Variants in TAF1L observed in about 807,000 individuals in gnomAD.
TAF1L encodes the protein transcription initiation factor TFIID subunit 1-like.
A neutral mutation model predicts 128.8 loss-of-function variants in TAF1L; 30 were observed. The observed-to-expected ratio is 0.23, with a 90% CI of 0.17 to 0.32. TAF1L has a LOEUF of 0.32. Among genes scored for constraint, TAF1L ranks in the 10% least tolerant of loss-of-function variants. The pLI, the probability that TAF1L is intolerant of heterozygous loss-of-function variation, is 1.00. For missense variants in TAF1L, 2,099 were observed against 2,253.7 expected (o/e 0.93, Z 1.39); for synonymous variants, 764 against 790.7 (o/e 0.97, Z 0.57).
rs540067909 is a variant in TAF1L, at chr9:32,634,664, T to C, written c.916A>G (p.Ser306Gly). ...TCATAGTTCCACAAAGACTTCTGGC[T>C]GACTTCTGATTCTACTGAGCATTCC... Reference protein sequence around the residue: ...EVECSVESEVSQKSLWNYDYA... With the variant: ...EVECSVESEVGQKSLWNYDYA... The change falls in exon 1 of 1, where the codon AGC becomes GGC. Residue 306 changes from serine to glycine, a missense_variant. By Grantham distance (56) the Ser-to-Gly change is moderately conservative. Coordinates refer to ENST00000242310, the MANE Select transcript of TAF1L (RefSeq NM_153809.2). 1.2e-6 allele frequency: 2 copies of C among 1,614,090 alleles called. No homozygotes were observed. Among genetic ancestry groups the C allele is most frequent in the African/African-American group, 1.3e-5 (1 of 75,020 alleles).
rs1394207412 is a variant in TAF1L at position 32,633,384 on chromosome 9, T to C, written c.2196A>G (p.Gly732=). 1 of 1,614,218 alleles carries C rather than the reference T, an allele frequency of 6.2e-7. No homozygotes were observed. The highest frequency in any genetic ancestry group is 8.5e-7 in the Non-Finnish European group (1 of 1,180,038). ...YYKRKPGKDP[G]APDCKYGETV... Reference sequence around the variant, plus strand: ...TTTCCCCATATTTACAATCTGGTGCTCCAGGATCTTTGCCAGGTTTCCGTT... The same window carrying C: ...TTTCCCCATATTTACAATCTGGTGCCCCAGGATCTTTGCCAGGTTTCCGTT... The change falls in exon 1 of 1, where the codon GGA becomes GGG. Residue 732 remains glycine, a synonymous_variant. Transcript: ENST00000242310.
Position 32,632,613 on chromosome 9 carries a change from A to G in TAF1L, c.2967T>C (p.Asn989=). Reference sequence around the variant, plus strand: ...TATCATCCTTCTGCTGTGTTGGTTTATTTGGAATCTTCACATAGGAGAATC... The same window carrying G: ...TATCATCCTTCTGCTGTGTTGGTTTGTTTGGAATCTTCACATAGGAGAATC... The part of the protein sequence containing the change: ...GEGFSYVKIP[N]KPTQQKDDKE... Residue 989 remains asparagine (N), a synonymous_variant, in exon 1 of 1, where the codon AAT becomes AAC. Transcript: ENST00000242310. The surrounding 1 kb of genome is among the most constrained non-coding windows in gnomAD (Gnocchi z 4.4). 1 of 1,614,086 alleles carries G rather than the reference A, an allele frequency of 6.2e-7. No homozygotes were observed. The highest frequency in any genetic ancestry group is 8.5e-7 in the Non-Finnish European group (1 of 1,180,006).
chr9:32,635,324 A>G lies in TAF1L; in HGVS notation c.256T>C (p.Leu86=). 1 of 1,614,028 alleles carries G rather than the reference A, an allele frequency of 6.2e-7. No homozygotes were observed. The highest frequency in any genetic ancestry group is 8.5e-7 in the Non-Finnish European group (1 of 1,179,980). The change falls in exon 1 of 1, where the codon TTG becomes CTG. Residue 86 remains leucine (L), a synonymous_variant. Coordinates refer to ENST00000242310, the MANE Select transcript of TAF1L (RefSeq NM_153809.2). ...LITELTANEE[L]TGTGGALVND... ...ACCAAGGCACCGCCAGTCCCAGTCAATTCTTCATTTGCCGTGAGTTCAGTG... is the reference window on the plus strand; with the variant it reads ...ACCAAGGCACCGCCAGTCCCAGTCAGTTCTTCATTTGCCGTGAGTTCAGTG...
chr9:32,635,402 C>T lies in TAF1L; in HGVS notation c.178G>A (p.Glu60Lys). 1 of 1,614,200 alleles carries T rather than the reference C, an allele frequency of 6.2e-7. No individual in the cohort carries two copies. Among genetic ancestry groups the T allele is most frequent in the South Asian group, 1.1e-5 (1 of 91,080 alleles). ...AAGCCTGCCAAGTGCTTCTTACACT[C>T]ATCATCCAAGACGCTTTCCCCCTCC... ...QLEGESVLDD[E>K]CKKHLAGLGA... Residue 60 changes from glutamate (E) to lysine (K), a missense_variant, in exon 1 of 1, where the codon GAG (glutamate) becomes AAG (lysine). By Grantham distance (56) the Glu-to-Lys change is moderately conservative (BLOSUM62 1). This residue lies in a region of TAF1L where 473 missense variants were observed against 429.6 expected (regional missense o/e 1.10). Coordinates refer to ENST00000242310, the MANE Select transcript of TAF1L (RefSeq NM_153809.2).
At position 32,631,809 on chromosome 9, in the gene TAF1L, C is replaced by T; in HGVS notation, c.3771G>A (p.Gln1257=). 1 of 1,614,152 alleles carries T rather than the reference C, an allele frequency of 6.2e-7. No homozygotes were observed. Among genetic ancestry groups the T allele is most frequent in the Non-Finnish European group, 8.5e-7 (1 of 1,180,038 alleles). Residue 1257 remains glutamine, a synonymous_variant, in exon 1 of 1, where the codon CAG becomes CAA. Coordinates refer to ENST00000242310, the MANE Select transcript of TAF1L (RefSeq NM_153809.2). This position sits in a 1 kb window ranked among gnomAD's most constrained non-coding sequence, Gnocchi z 4.1. ...QEQLRRLKRN[Q]EKEKLKGPPE... is the part of the protein sequence containing the mutation. Reference sequence around the variant, plus strand: ...GAGGACCCTTAAGCTTCTCCTTTTCCTGGTTCCGCTTAAGCCGCCTCAGTT... The same window carrying T: ...GAGGACCCTTAAGCTTCTCCTTTTCTTGGTTCCGCTTAAGCCGCCTCAGTT...
chr9:32,635,310 G>T lies in TAF1L; in HGVS notation c.270C>A (p.Gly90=), dbSNP rs114551428. The change falls in exon 1 of 1, where the codon GGC becomes GGA. Residue 90 remains glycine (G), a synonymous_variant. Transcript: ENST00000242310. The stretch of plus-strand genomic sequence containing the variant: ...ACCCTTCATCATTTACCAAGGCACC[G>T]CCAGTCCCAGTCAATTCTTCATTTG... ...LTANEELTGT[G]GALVNDEGWI... 1.9e-3 allele frequency: 3,025 copies of T among 1,614,022 alleles called. 36 individuals carry two copies. In the African/African-American group the frequency reaches 0.032, roughly 17 times the overall value.
rs192674056 is a variant in TAF1L at position 32,634,046 on chromosome 9, G to C, written c.1534C>G (p.Arg512Gly). Reference protein sequence around the residue: ...NIIWDAQAMPRLLEPPVLALD... With the variant: ...NIIWDAQAMPGLLEPPVLALD... ...GCCAAAACAGGAGGTTCCAACAGCC[G>C]GGGCATGGCCTGAGCATCCCAAATG... The change falls in exon 1 of 1, where the codon CGG becomes GGG. Residue 512 changes from arginine (R) to glycine (G), a missense_variant. This residue lies in a region of TAF1L where 1,213 missense variants were observed against 1,391.4 expected (regional missense o/e 0.87). Coordinates refer to ENST00000242310, the MANE Select transcript of TAF1L (RefSeq NM_153809.2). The C allele has an allele frequency of 3.1e-6, 5 of 1,614,146 alleles. No individual in the cohort carries two copies. The highest frequency in any genetic ancestry group is 4.2e-6 in the Non-Finnish European group (5 of 1,180,030).
At position 32,635,454 on chromosome 9, in the gene TAF1L, G is replaced by T; in HGVS notation, c.126C>A (p.Phe42Leu). The T allele has an allele frequency of 6.2e-7, 1 of 1,614,132 alleles. No homozygotes were observed. The highest frequency in any genetic ancestry group is 8.5e-7 in the Non-Finnish European group (1 of 1,180,016). ...GGPFTLAGIL[F>L]GNISGAGQLE... is the part of the protein sequence containing the mutation. Reference sequence around the variant, plus strand: ...GCTGCCCCGCTCCACTGATGTTGCCGAAAAGGATACCCGCTAAAGTAAATG... The same window carrying T: ...GCTGCCCCGCTCCACTGATGTTGCCTAAAAGGATACCCGCTAAAGTAAATG... Residue 42 changes from phenylalanine (F) to leucine (L), a missense_variant, in exon 1 of 1, where the codon TTC becomes TTA. Around this residue, in one of 4 missense-constraint regions of TAF1L, gnomAD observed 473 missense variants for 429.6 expected, o/e 1.10. Transcript: ENST00000242310.
chr9:32,635,275 C>G lies in TAF1L; in HGVS notation c.305G>C (p.Ser102Thr). The stretch of plus-strand genomic sequence containing the variant: ...TGAATAGTCTACAGCATCTTCTGTA[C>G]TCCTAATCCACCCTTCATCATTTAC... Reference protein sequence around the residue: ...ALVNDEGWIRSTEDAVDYSDI... With the variant: ...ALVNDEGWIRTTEDAVDYSDI... Residue 102 changes from serine (S) to threonine (T), a missense_variant, in exon 1 of 1, where the codon AGT becomes ACT. Ser to Thr is a moderately conservative substitution (Grantham distance 58, BLOSUM62 1). This residue lies in a region of TAF1L where 473 missense variants were observed against 429.6 expected (regional missense o/e 1.10). Transcript: ENST00000242310. The G allele has an allele frequency of 2.5e-6, 4 of 1,614,138 alleles. No individual in the cohort carries two copies.
Position 32,634,462 on chromosome 9 carries a change from C to T in TAF1L, c.1118G>A (p.Gly373Asp). The T allele has an allele frequency of 6.2e-7, 1 of 1,614,218 alleles. No individual in the cohort carries two copies. Residue 373 changes from glycine (G) to aspartate (D), a missense_variant, in exon 1 of 1, where the codon GGT (glycine) becomes GAT (aspartate). Gly to Asp is a moderately conservative substitution (Grantham distance 94, BLOSUM62 -1). Coordinates refer to ENST00000242310, the MANE Select transcript of TAF1L (RefSeq NM_153809.2). Reference protein sequence around the residue: ...GPARLWYDMLGVSEDGSGFDY... With the variant: ...GPARLWYDMLDVSEDGSGFDY... Reference sequence around the variant, plus strand: ...AAACCCACTGCCATCTTCGGAGACACCCAGCATATCATACCACAGTCGGGC... The same window carrying T: ...AAACCCACTGCCATCTTCGGAGACATCCAGCATATCATACCACAGTCGGGC...
Position 32,631,401 on chromosome 9 carries a change from G to A in TAF1L, c.4179C>T (p.Ile1393=). ...CCATAGGGTCTGTGCGGCGTCGGTG[G>A]ATGGACTTATGAGGTATATTCAAAT... ...CDYLNIPHKS[I]HRRRTDPMVT... The change falls in exon 1 of 1, where the codon ATC becomes ATT. Residue 1393 remains isoleucine, a synonymous_variant. Coordinates refer to ENST00000242310, the MANE Select transcript of TAF1L (RefSeq NM_153809.2). The surrounding 1 kb of genome is among the most constrained non-coding windows in gnomAD (Gnocchi z 4.1). The A allele has an allele frequency of 4.3e-6, 7 of 1,614,186 alleles. No homozygotes were observed. The highest frequency in any genetic ancestry group is 5.1e-6 in the Non-Finnish European group (6 of 1,180,036).
rs1223092827 is a variant in TAF1L at position 32,631,361 on chromosome 9, T to C, written c.4219A>G (p.Ile1407Val). 6.2e-7 allele frequency: 1 copy of C among 1,614,096 alleles called. No homozygotes were observed. Among genetic ancestry groups the C allele is most frequent in the Non-Finnish European group, 8.5e-7 (1 of 1,180,042 alleles). The change falls in exon 1 of 1, where the codon ATC becomes GTC. Residue 1407 changes from isoleucine (I) to valine (V), a missense_variant. By Grantham distance (29) the Ile-to-Val change is conservative (BLOSUM62 3). Transcript: ENST00000242310. This position sits in a 1 kb window ranked among gnomAD's most constrained non-coding sequence, Gnocchi z 4.1. ...ATGTCATTGATGATAGACTCCAGGA[T>C]GGATGACAGCGTCACCATAGGGTCT... The part of the protein sequence containing the change: ...RTDPMVTLSS[I>V]LESIINDMRD...
At position 32,635,132 on chromosome 9, in the gene TAF1L, T is replaced by C. The variant is rs767959314; in HGVS notation, c.448A>G (p.Ile150Val). The C allele has an allele frequency of 1.4e-5, 22 of 1,614,068 alleles. No homozygotes were observed. Among genetic ancestry groups the C allele is most frequent in the Non-Finnish European group, 1.7e-5 (20 of 1,180,036 alleles). ...GGAGGAGGCATCAACTTGCAATCAA[T>C]GTCTTCACAATCAGCATCATAGTCA... is the stretch of plus-strand genomic sequence containing the variant. Reference protein sequence around the residue: ...EDDYDADCEDIDCKLMPPPPP... With the variant: ...EDDYDADCEDVDCKLMPPPPP... Residue 150 changes from isoleucine to valine, a missense_variant, in exon 1 of 1, where the codon ATT (isoleucine) becomes GTT (valine). Around this residue, in one of 4 missense-constraint regions of TAF1L, gnomAD observed 473 missense variants for 429.6 expected, o/e 1.10. Transcript: ENST00000242310.
In TAF1L at chr9:32,630,261, C is replaced by G. The variant is rs747586254; in HGVS notation, c.5319G>C (p.Glu1773Asp). Residue 1773 changes from glutamate (E) to aspartate (D), a missense_variant, in exon 1 of 1, where the codon GAG becomes GAC. Glu to Asp is a conservative substitution (Grantham distance 45). Around this residue, in one of 4 missense-constraint regions of TAF1L, gnomAD observed 404 missense variants for 406.5 expected, o/e 0.99. Coordinates refer to ENST00000242310, the MANE Select transcript of TAF1L (RefSeq NM_153809.2). The stretch of plus-strand genomic sequence containing the variant: ...CTTCTTCGTCACTCCCAGCATCTTC[C>G]TCATCATCTTCTCCTTCAGATATAA... The part of the protein sequence containing the change: ...DLLISEGEDD[E>D]EDAGSDEEGD... The G allele has an allele frequency of 1.9e-6, 3 of 1,614,128 alleles. No homozygotes were observed. The highest frequency in any genetic ancestry group is 1.7e-6 in the Non-Finnish European group (2 of 1,180,020).
At position 32,633,712 on chromosome 9, in the gene TAF1L, G is replaced by A; in HGVS notation, c.1868C>T (p.Pro623Leu). ...GATTTTGATGGGCCCCATGTGGGTG[G>A]GAAAGAAGGGCTGCCATAATTCCAT... ...PAMELWQPFF[P>L]THMGPIKIRQ... Residue 623 changes from proline (P) to leucine (L), a missense_variant, in exon 1 of 1, where the codon CCC (proline) becomes CTC (leucine). Physicochemically the swap from Pro to Leu is moderately conservative, Grantham distance 98. Transcript: ENST00000242310. 1 of 1,614,172 alleles carries A rather than the reference G, an allele frequency of 6.2e-7. No individual in the cohort carries two copies. Among genetic ancestry groups the A allele is most frequent in the Non-Finnish European group, 8.5e-7 (1 of 1,180,036 alleles).
chr9:32,630,385 G>T lies in TAF1L; in HGVS notation c.5195C>A (p.Pro1732His), dbSNP rs769027184. 179 of 1,614,074 alleles carry T rather than the reference G, an allele frequency of 1.1e-4. No individual in the cohort carries two copies. Among genetic ancestry groups the T allele is most frequent in the Non-Finnish European group, 1.4e-4 (171 of 1,180,042 alleles). Residue 1732 changes from proline to histidine, a missense_variant, in exon 1 of 1, where the codon CCT becomes CAT. By Grantham distance (77) the Pro-to-His change is moderately conservative. Transcript: ENST00000242310. ...TCCCCCTTCTGGGGCTGGAGGCTTA[G>T]GTTTCCCATCCTCCTCCTCATCATC... ...GYDDEEEDGK[P>H]KPPAPEGGDG...
At position 32,632,526 on chromosome 9, in the gene TAF1L, G is replaced by T; in HGVS notation, c.3054C>A (p.Ser1018=). Residue 1018 remains serine (S), a synonymous_variant, in exon 1 of 1, where the codon TCC becomes TCA. Transcript: ENST00000242310. This position sits in a 1 kb window ranked among gnomAD's most constrained non-coding sequence, Gnocchi z 4.4. ...GTAGAAGTTGCTTGGCATTTTTCAG[G>T]GAAAGGCGACGAAGGTCTGCATCTG... is the stretch of plus-strand genomic sequence containing the variant. The part of the protein sequence containing the change: ...TGTDADLRRL[S]LKNAKQLLRK... The T allele has an allele frequency of 6.2e-7, 1 of 1,614,176 alleles. No individual in the cohort carries two copies. Among genetic ancestry groups the T allele is most frequent in the East Asian group, 2.2e-5 (1 of 44,874 alleles).
rs747453606 is a variant in TAF1L, at chr9:32,629,987, T to C, written c.*112A>G. The C allele has an allele frequency of 6.4e-7, 1 of 1,563,336 alleles. No homozygotes were observed. Among genetic ancestry groups the C allele is most frequent in the Admixed American group, 1.8e-5 (1 of 54,420 alleles). ...TTCCGATGCTGCTGAAGCTTGTGTC[T>C]TGGGTGTTCAACTTGGGATCAGGCT... On this transcript the variant is annotated 3_prime_UTR_variant, in exon 1 of 1. Coordinates refer to ENST00000242310, the MANE Select transcript of TAF1L (RefSeq NM_153809.2).
At position 32,631,788 on chromosome 9, in the gene TAF1L, A is replaced by C. The variant is rs1564011119; in HGVS notation, c.3792T>G (p.Gly1264=). Reference sequence around the variant, plus strand: ...TTTTCTTGGGCTTCTTCTCAGGAGGACCCTTAAGCTTCTCCTTTTCCTGGT... The same window carrying C: ...TTTTCTTGGGCTTCTTCTCAGGAGGCCCCTTAAGCTTCTCCTTTTCCTGGT... ...KRNQEKEKLK[G]PPEKKPKKMK... Residue 1264 remains glycine, a synonymous_variant, in exon 1 of 1, where the codon GGT becomes GGG. Transcript: ENST00000242310. The surrounding 1 kb of genome is among the most constrained non-coding windows in gnomAD (Gnocchi z 4.1). 4 of 1,613,978 alleles carry C rather than the reference A, an allele frequency of 2.5e-6. No individual in the cohort carries two copies. Among genetic ancestry groups the C allele is most frequent in the Non-Finnish European group, 3.4e-6 (4 of 1,179,990 alleles).
Sources: allele counts gnomAD v4.1 joint callset, GRCh38; gene constraint gnomAD v4.1.1; regional missense constraint gnomAD v4.1.1; non-coding constraint Gnocchi (gnomAD v3.1); transcripts MANE v1.5; gene names NCBI Gene and HGNC (gene_info 2026-07-23, HGNC 2026-07-21).